Variants in GALNT1 observed in about 807,000 individuals in gnomAD.
The protein encoded by GALNT1 is GalNAc transferase 1.
GALNT1 carries 17 observed loss-of-function variants against 65.7 expected under a neutral mutation model. The observed-to-expected ratio is 0.26, with a 90% confidence interval of 0.18 to 0.39. The LOEUF is 0.39. Among genes scored for constraint, GALNT1 ranks in the 10% least tolerant of loss-of-function variants. The pLI, the probability that GALNT1 is intolerant of heterozygous loss-of-function variation, is 1.00. For synonymous variants in GALNT1, 210 were observed against 219.7 expected (o/e 0.96, Z 0.39); for missense variants, 460 against 672.8 (o/e 0.68, Z 3.50).
intron 9 of GALNT1, among the ~76,000 whole-genome samples, chr18:35,702,653 C>T (rs577744048): frequency 2.0e-5 from 3 of 151,760 alleles, no homozygotes; most frequent in Admixed American, 6.5e-5. Flanking sequence ...AAAGGAATAA[C>T]TTGAAAAAAA....
intron 1 of GALNT1, among the ~76,000 whole-genome samples, chr18:35,604,175 A>G (rs1169795704): frequency 6.6e-6 from 1 of 151,952 alleles, no homozygotes; most frequent in African/African-American, 2.4e-5. Context: ...AACATGTGGT[A>G]TTTTGGTTCC....
At chr18:35,612,095 C>G (rs1052289938) in intron 1 of GALNT1, among the ~76,000 whole-genome samples, 2 of 151,792 alleles carry the variant, frequency 1.3e-5, no homozygotes, top group African/African-American at 4.8e-5. Context: ...GCTTTGTTGT[C>G]TACATTTTAA....
rs1013902500 is a variant in GALNT1, at chr18:35,622,066, G to A, written c.-103-32494G>A. 1.7e-4 allele frequency among the ~76,000 whole-genome samples: 26 copies of A among 152,050 alleles called. 1 individual carries two copies. In the South Asian group the frequency reaches 5.2e-3, roughly 30 times the overall value. ...AGCTTTGCTCTTCCATGTAATTTTA[G>A]GATCTACTTTTAAAGTTCTATTTAA... is the stretch of plus-strand genomic sequence containing the variant. On this transcript the variant is annotated intron_variant, in intron 1 of 11. Coordinates refer to ENST00000269195, the MANE Select transcript of GALNT1 (RefSeq NM_020474.4).
chr18:35,583,334 C>T (rs2143807719), intron 1 of GALNT1, among the ~76,000 whole-genome samples: 1 of 152,290 alleles, frequency 6.6e-6, no homozygotes, highest in Admixed American at 6.5e-5. Context: ...CCTGAGAAGC[C>T]TTTGTTCAGC....
intron 1 of GALNT1, among the ~76,000 whole-genome samples, chr18:35,584,778 C>G (rs2046361234): frequency 6.6e-6 from 1 of 152,152 alleles, no homozygotes; most frequent in South Asian, 2.1e-4. Flanking sequence ...AGTGTTTGCC[C>G]TATGAGAATT....
At chr18:35,599,133 T>A (rs2046545477) in intron 1 of GALNT1, among the ~76,000 whole-genome samples, 1 of 152,090 alleles carries the variant, frequency 6.6e-6, no homozygotes, top group South Asian at 2.1e-4. Flanking sequence ...CTTCATTGGA[T>A]GGATAGTTTA....
intron 9 of GALNT1, among the ~76,000 whole-genome samples, chr18:35,696,339 C>T (rs1056411019): frequency 2.0e-4 from 31 of 152,138 alleles, no homozygotes; most frequent in Non-Finnish European, 4.6e-4. Context: ...TCCAGGGAAA[C>T]CTGAAATCAT....
intron 5 of GALNT1, among the ~76,000 whole-genome samples, chr18:35,685,579 C>T (rs2047855480): frequency 6.6e-6 from 1 of 151,610 alleles, no homozygotes; most frequent in East Asian, 1.9e-4. Flanking sequence ...ATGTTAATGC[C>T]CTCAATCACC....
chr18:35,647,039 G>A (rs2047240474), intron 1 of GALNT1, among the ~76,000 whole-genome samples: 1 of 152,150 alleles, frequency 6.6e-6, no homozygotes, highest in Non-Finnish European at 1.5e-5. Context: ...CGTATCTCTT[G>A]TATCTTCCCA....
intron 1 of GALNT1, among the ~76,000 whole-genome samples, chr18:35,643,109 G>C (rs1382167248): frequency 6.6e-6 from 1 of 152,038 alleles, no homozygotes; most frequent in African/African-American, 2.4e-5. Context: ...GAGGAGGGGA[G>C]GAGAGGTTAA....
intron 11 of GALNT1, among the ~76,000 whole-genome samples, chr18:35,708,168 A>C (rs1314267590): frequency 6.6e-6 from 1 of 152,154 alleles, no homozygotes; most frequent in Non-Finnish European, 1.5e-5. Flanking sequence ...GGTGTGTGAC[A>C]AATCTGGAAA....
At chr18:35,647,572 G>T (rs188268627) in intron 1 of GALNT1, among the ~76,000 whole-genome samples, 1 of 152,122 alleles carries the variant, frequency 6.6e-6, no homozygotes, top group Admixed American at 6.5e-5. Context: ...TAGTTTTCTT[G>T]GCAGAAACTC....
intron 1 of GALNT1, among the ~76,000 whole-genome samples, chr18:35,624,374 T>C (rs1007259745): frequency 6.6e-6 from 1 of 152,200 alleles, no homozygotes; most frequent in Non-Finnish European, 1.5e-5. Context: ...TGTGAGTAGA[T>C]TAGTCTAGAA....
chr18:35,663,834 G>A (rs1240965511), intron 3 of GALNT1, 32 bp downstream of exon 3: 1 of 1,591,332 alleles, frequency 6.3e-7, no homozygotes, highest in Admixed American at 1.8e-5. Context: ...GATAGTATGT[G>A]AATGAAAAGT....
intron 1 of GALNT1, among the ~76,000 whole-genome samples, chr18:35,636,095 T>G (rs1210966988): frequency 6.6e-6 from 1 of 152,190 alleles, no homozygotes; most frequent in Non-Finnish European, 1.5e-5. Context: ...CTTTATGTTA[T>G]ACAGAAACAA....
At chr18:35,590,453 T>C (rs1012189426) in intron 1 of GALNT1, among the ~76,000 whole-genome samples, 5 of 152,226 alleles carry the variant, frequency 3.3e-5, no homozygotes, top group Admixed American at 6.5e-5. Context: ...GACAAACTTC[T>C]ATGGGAACCA....
chr18:35,648,640 G>T (rs1010202368), intron 1 of GALNT1, among the ~76,000 whole-genome samples: 1 of 152,132 alleles, frequency 6.6e-6, no homozygotes, highest in Non-Finnish European at 1.5e-5. Flanking sequence ...ATGAATTCTG[G>T]TATGTGTCTT....
At chr18:35,622,377 A>G (rs1461506602) in intron 1 of GALNT1, among the ~76,000 whole-genome samples, 1 of 151,968 alleles carries the variant, frequency 6.6e-6, no homozygotes, top group Non-Finnish European at 1.5e-5. Context: ...TCAACCTCCC[A>G]AGTAGCTGGG....
intron 1 of GALNT1, among the ~76,000 whole-genome samples, chr18:35,608,598 A>C (rs945871385): frequency 6.6e-6 from 1 of 152,180 alleles, no homozygotes; most frequent in African/African-American, 2.4e-5. Context: ...AATAAACCTT[A>C]GTGTCTATTA....
Sources: gnomAD v4.1 joint callset for allele counts (sites outside exome capture counted in the v4.1 genomes callset) on GRCh38, gnomAD v4.1.1 for gene constraint, MANE v1.5 for transcripts, NCBI Gene and HGNC (gene_info 2026-07-23, HGNC 2026-07-21) for gene names.